LOC128462377: variants seen among roughly 807,000 people sequenced by gnomAD.
chr16:89,348,789 C>T, the LOC128462377 span, among the ~76,000 whole-genome samples: 1 of 151,860 alleles, frequency 6.6e-6, no homozygotes, highest in South Asian at 2.1e-4. Context: ...CAGCAATGTC[C>T]CTTTTCTCAT....
chr16:89,364,882 T>C, the LOC128462377 span, among the ~76,000 whole-genome samples: 6,356 of 152,308 alleles, frequency 0.042, 329 homozygotes, highest in African/African-American at 0.12. Context: ...GGCACGCAGA[T>C]GGCCCAGGGA....
chr16:89,324,834 C>T, the LOC128462377 span: 9 of 286,018 alleles, frequency 3.1e-5, no homozygotes, highest in East Asian at 5.4e-4. Context: ...CTTCCTGGCT[C>T]CTCAGCTTGC....
At chr16:89,350,841 A>G in the LOC128462377 span, among the ~76,000 whole-genome samples, 1 of 152,210 alleles carries the variant, frequency 6.6e-6, no homozygotes, top group Non-Finnish European at 1.5e-5. Context: ...ATGTGCTACC[A>G]TAAGATGCTA....
At chr16:89,391,331 C>T in the LOC128462377 span, among the ~76,000 whole-genome samples, 15 of 152,130 alleles carry the variant, frequency 9.9e-5, no homozygotes, top group South Asian at 1.2e-3. Flanking sequence ...CCAGGGCTTG[C>T]GGTGGGTGCT....
the LOC128462377 span, among the ~76,000 whole-genome samples, chr16:89,354,155 G>C: frequency 1.3e-5 from 2 of 150,880 alleles, no homozygotes; most frequent in African/African-American, 2.4e-5. Context: ...TGCACAGATG[G>C]AGGAAAGTAT....
the LOC128462377 span, among the ~76,000 whole-genome samples, chr16:89,317,241 C>A: frequency 6.6e-6 from 1 of 152,344 alleles, no homozygotes; most frequent in East Asian, 1.9e-4. Flanking sequence ...TCAGGATACG[C>A]CTCCCATAAA....
chr16:89,359,224 A>G, the LOC128462377 span, among the ~76,000 whole-genome samples: 2 of 152,186 alleles, frequency 1.3e-5, no homozygotes, highest in African/African-American at 2.4e-5. Flanking sequence ...CATCTTTAAC[A>G]TGAATGGTGC....
At chr16:89,398,250 G>A in the LOC128462377 span, among the ~76,000 whole-genome samples, 4 of 149,390 alleles carry the variant, frequency 2.7e-5, no homozygotes, top group African/African-American at 1.0e-4. Flanking sequence ...TGACATGAGG[G>A]ACACTGTGAA....
chr16:89,347,589 C>T, the LOC128462377 span, among the ~76,000 whole-genome samples: 2 of 136,200 alleles, frequency 1.5e-5, no homozygotes, highest in African/African-American at 2.8e-5. Context: ...CCAGCCTGGG[C>T]GACAGAGCGA....
the LOC128462377 span, among the ~76,000 whole-genome samples, chr16:89,356,954 G>C: frequency 6.6e-6 from 1 of 152,232 alleles, no homozygotes; most frequent in African/African-American, 2.4e-5. Flanking sequence ...CAGCTCCCAA[G>C]TGACCTGTGA....
the LOC128462377 span, among the ~76,000 whole-genome samples, chr16:89,379,439 T>G: frequency 2.6e-5 from 4 of 152,206 alleles, no homozygotes; most frequent in Non-Finnish European, 5.9e-5. Context: ...CCACACCCTG[T>G]CAGGGCATCC....
At chr16:89,331,190 G>A in the LOC128462377 span, among the ~76,000 whole-genome samples, 1 of 152,228 alleles carries the variant, frequency 6.6e-6, no homozygotes, top group Non-Finnish European at 1.5e-5. Flanking sequence ...CTGACCTCAG[G>A]TGATCTGCCT....
chr16:89,382,257 C>T, the LOC128462377 span, among the ~76,000 whole-genome samples: 2 of 152,020 alleles, frequency 1.3e-5, no homozygotes, highest in Non-Finnish European at 2.9e-5. Flanking sequence ...TAAAAGGTGT[C>T]TAGAAATTCC....
At chr16:89,353,413 A>T in the LOC128462377 span, among the ~76,000 whole-genome samples, 2 of 152,168 alleles carry the variant, frequency 1.3e-5, no homozygotes, top group African/African-American at 4.8e-5. Context: ...AGAGGATCTC[A>T]AAAGTAGAGC....
the LOC128462377 span, among the ~76,000 whole-genome samples, chr16:89,350,221 A>C: frequency 6.6e-6 from 1 of 152,248 alleles, no homozygotes; most frequent in African/African-American, 2.4e-5. Flanking sequence ...ATTCCCATTC[A>C]ACGCTGGTGG....
At chr16:89,338,602 G>A in the LOC128462377 span, among the ~76,000 whole-genome samples, 16 of 151,616 alleles carry the variant, frequency 1.1e-4, no homozygotes, top group East Asian at 2.9e-3. Context: ...GCATGCAACT[G>A]TAATCCCAGC....
the LOC128462377 span, among the ~76,000 whole-genome samples, chr16:89,357,667 G>A: frequency 1.3e-5 from 2 of 152,194 alleles, no homozygotes; most frequent in Non-Finnish European, 2.9e-5. Flanking sequence ...ACAGCATAAC[G>A]CGACTCAGCC....
the LOC128462377 span, among the ~76,000 whole-genome samples, chr16:89,377,366 A>G: frequency 6.6e-6 from 1 of 152,106 alleles, no homozygotes; most frequent in African/African-American, 2.4e-5. Flanking sequence ...TCAAACCCAA[A>G]ACAATGAACT....
chr16:89,410,697 A>G, the LOC128462377 span, among the ~76,000 whole-genome samples: 1 of 152,274 alleles, frequency 6.6e-6, no homozygotes, highest in African/African-American at 2.4e-5. Flanking sequence ...TCCATTTAGC[A>G]AAACGTCAAC....
Sources: gnomAD v4.1 joint callset for allele counts (sites outside exome capture counted in the v4.1 genomes callset) on GRCh38, gnomAD v4.1.1 for gene constraint, MANE v1.5 for transcripts.